The following VANGL1 variants were observed in gnomAD, a reference collection of about 807,000 sequenced individuals.
VANGL1 encodes VANGL planar cell polarity protein 1.
Under a neutral mutation model 48.4 loss-of-function variants are expected in VANGL1, and 18 were observed. The observed-to-expected ratio is 0.37, with a 90% confidence interval of 0.26 to 0.55. The LOEUF is 0.55. Among genes scored for constraint, VANGL1 ranks in the 20% least tolerant of loss-of-function variants. VANGL1 has a pLI of 0.81. For missense variants in VANGL1, 667 were observed against 675.8 expected (o/e 0.99, Z 0.14); for synonymous variants, 257 against 261.8 (o/e 0.98, Z 0.18).
Position 115,694,053 on chromosome 1 carries a change from T to C in VANGL1, c.*2674T>C, listed in dbSNP as rs181039153. The C allele has an allele frequency of 1.6e-4, 25 of 152,358 alleles. No homozygotes were observed. Among genetic ancestry groups the C allele is most frequent in the African/African-American group, 5.8e-4 (24 of 41,588 alleles). 9.4% of individuals were successfully genotyped at this position (152,358 alleles called of 1,614,324 possible). A position where few individuals can be genotyped will look rare whatever the true frequency, so the allele number is the denominator to read the frequency against. ...CCCTGGTGATGTTTTAACTGGTAGA[T>C]AATTTGTTCTTAAATATGTACTTTT... is the stretch of plus-strand genomic sequence containing the variant. On this transcript the variant is annotated 3_prime_UTR_variant, in exon 8 of 8. Coordinates refer to ENST00000355485, the MANE Select transcript of VANGL1 (RefSeq NM_138959.3).
chr1:115,683,197 G>A (rs948393395), intron 5 of VANGL1, among the ~76,000 whole-genome samples: 10 of 152,148 alleles, frequency 6.6e-5, no homozygotes, highest in African/African-American at 1.2e-4. Flanking sequence ...GCTCCCTCAC[G>A]AAGCCTGAAG....
At chr1:115,673,676 T>G (rs897454871) in intron 4 of VANGL1, among the ~76,000 whole-genome samples, 6 of 150,556 alleles carry the variant, frequency 4.0e-5, no homozygotes, top group Non-Finnish European at 7.4e-5. Context: ...CTCAGCTCTC[T>G]GCAACCTCTG....
chr1:115,661,720 C>A (rs553604562), intron 3 of VANGL1, among the ~76,000 whole-genome samples: 1 of 151,954 alleles, frequency 6.6e-6, no homozygotes, highest in Non-Finnish European at 1.5e-5. Flanking sequence ...CGGGTTCAAG[C>A]GATTCTCCTG....
chr1:115,652,478 T>C (rs913515141), intron 2 of VANGL1, among the ~76,000 whole-genome samples: 1 of 152,232 alleles, frequency 6.6e-6, no homozygotes, highest in African/African-American at 2.4e-5. Flanking sequence ...AGTCCTCTCC[T>C]ACAGGGCTGT....
rs1182365086 is a variant in VANGL1 at position 115,664,000 on chromosome 1, G to A, written c.544G>A (p.Val182Met). 4.3e-6 allele frequency: 7 copies of A among 1,614,186 alleles called. No homozygotes were observed. Among genetic ancestry groups the A allele is most frequent in the Non-Finnish European group, 5.9e-6 (7 of 1,180,042 alleles). ...CAAGCGGAGAGCTGACATGCCACGG[G>A]TGTTTGTGTTTCGTGCCCTTTTGTT... The part of the protein sequence containing the change: ...FRKRRADMPR[V>M]FVFRALLLVL... The change falls in exon 4 of 8, where the codon GTG becomes ATG. Residue 182 changes from valine (V) to methionine (M), a missense_variant. Physicochemically the swap from Val to Met is conservative, Grantham distance 21. Transcript: ENST00000355485.
At chr1:115,643,074 T>A (rs1380439822) in intron 1 of VANGL1, among the ~76,000 whole-genome samples, 4 of 152,168 alleles carry the variant, frequency 2.6e-5, no homozygotes, top group African/African-American at 9.7e-5. Context: ...CCTTAGGAAG[T>A]GTTAGAGCGC....
chr1:115,653,137 T>C (rs1252557219), intron 2 of VANGL1, among the ~76,000 whole-genome samples: 3 of 152,194 alleles, frequency 2.0e-5, no homozygotes, highest in South Asian at 2.1e-4. Flanking sequence ...GTATTTTCTT[T>C]TTAACTTTAA....
At position 115,692,287 on chromosome 1, in the gene VANGL1, T is replaced by C. The variant is rs1314642291; in HGVS notation, c.*908T>C. ...CACACTGCCCAGTTTTCCTCCCCAC[T>C]GTTCTACACCAACCAGGGGAGACTA... On this transcript the variant is annotated 3_prime_UTR_variant, in exon 8 of 8. Transcript: ENST00000355485. 1 of 152,378 alleles carries C rather than the reference T, an allele frequency of 6.6e-6. No individual in the cohort carries two copies. The highest frequency in any genetic ancestry group is 1.9e-4 in the East Asian group (1 of 5,170). 9.4% of individuals were successfully genotyped at this position (152,378 alleles called of 1,614,324 possible).
chr1:115,674,768 C>T, intron 4 of VANGL1, among the ~76,000 whole-genome samples: 1 of 152,138 alleles, frequency 6.6e-6, no homozygotes, highest in African/African-American at 2.4e-5. Flanking sequence ...TCCCTTCTCC[C>T]TGCTCAGGGA....
At chr1:115,679,925 C>A (rs1157110635) in intron 4 of VANGL1, among the ~76,000 whole-genome samples, 4 of 151,206 alleles carry the variant, frequency 2.6e-5, no homozygotes, top group African/African-American at 9.7e-5. Flanking sequence ...CTCAGAAAGC[C>A]CAGGCACTCC....
intron 1 of VANGL1, among the ~76,000 whole-genome samples, chr1:115,649,872 A>G (rs765730760): frequency 3.3e-5 from 5 of 152,202 alleles, no homozygotes; most frequent in Non-Finnish European, 5.9e-5. Flanking sequence ...CCCAGGTTGT[A>G]CTAAACAGTG....
Position 115,695,619 on chromosome 1 carries a change from A to G in VANGL1, c.*4240A>G, listed in dbSNP as rs1421022662. 1.3e-5 allele frequency: 2 copies of G among 152,314 alleles called. No individual in the cohort carries two copies. Among genetic ancestry groups the G allele is most frequent in the African/African-American group, 4.8e-5 (2 of 41,458 alleles). 9.4% of individuals were successfully genotyped at this position (152,314 alleles called of 1,614,324 possible). Reference sequence around the variant, plus strand: ...TGACAAAACATGTTTTGGTCAAAGAAAGGAAAGGCTACTAACACATTTATC... The same window carrying G: ...TGACAAAACATGTTTTGGTCAAAGAGAGGAAAGGCTACTAACACATTTATC... On this transcript the variant is annotated 3_prime_UTR_variant, in exon 8 of 8. Transcript: ENST00000355485.
rs937154997 is a variant in VANGL1, at chr1:115,693,990, G to A, written c.*2611G>A. 1 of 152,196 alleles carries A rather than the reference G, an allele frequency of 6.6e-6. No individual in the cohort carries two copies. The highest frequency in any genetic ancestry group is 1.5e-5 in the Non-Finnish European group (1 of 68,040). 9.4% of individuals were successfully genotyped at this position (152,196 alleles called of 1,614,324 possible). Reference sequence around the variant, plus strand: ...TAAAATTAGAGCATTGAGTGTTAAAGAACTTAATGAGGAGTCTATATCTGA... The same window carrying A: ...TAAAATTAGAGCATTGAGTGTTAAAAAACTTAATGAGGAGTCTATATCTGA... On this transcript the variant is annotated 3_prime_UTR_variant, in exon 8 of 8. Transcript: ENST00000355485.
chr1:115,678,531 C>T (rs1167249852), intron 4 of VANGL1, among the ~76,000 whole-genome samples: 8 of 152,174 alleles, frequency 5.3e-5, no homozygotes, highest in South Asian at 2.1e-4. Flanking sequence ...AGATGGCCTC[C>T]ACCTCCTGAT....
chr1:115,642,267 C>T (rs1029587538), intron 1 of VANGL1, among the ~76,000 whole-genome samples, 181 bp downstream of exon 1: 1 of 151,890 alleles, frequency 6.6e-6, no homozygotes, highest in African/African-American at 2.4e-5. Context: ...TCCCCTCCTC[C>T]GGAGCGCTCC....
intron 4 of VANGL1, among the ~76,000 whole-genome samples, chr1:115,675,412 G>A (rs1653125883): frequency 6.6e-6 from 1 of 152,124 alleles, no homozygotes; most frequent in Non-Finnish European, 1.5e-5. Flanking sequence ...CGAGGCACGA[G>A]AATTGCTTGA....
chr1:115,645,392 G>C (rs953353198), intron 1 of VANGL1, among the ~76,000 whole-genome samples: 4 of 152,186 alleles, frequency 2.6e-5, no homozygotes, highest in Non-Finnish European at 2.9e-5. Context: ...GTTGACAGCT[G>C]TGAGTGCCTA....
chr1:115,695,149 C>CA lies in VANGL1; in HGVS notation c.*3773dup, dbSNP rs1254299305. 2.0e-5 allele frequency: 3 copies of CA among 152,200 alleles called. No individual in the cohort carries two copies. The highest frequency in any genetic ancestry group is 4.4e-5 in the Non-Finnish European group (3 of 68,012). The allele number at this position is 152,200 out of a possible 1,614,324, so 9.4% of individuals were successfully genotyped here. On this transcript the variant is annotated 3_prime_UTR_variant, in exon 8 of 8. Transcript: ENST00000355485. Reference sequence around the variant, plus strand: ...CTGAAAACAGCAAGAAACAAACAAACAAAGGTCAAGCTCTAAGAAAATTAC... The same window carrying CA: ...CTGAAAACAGCAAGAAACAAACAAACAAAAGGTCAAGCTCTAAGAAAATTAC...
intron 4 of VANGL1, among the ~76,000 whole-genome samples, chr1:115,666,719 C>T (rs1192713593): frequency 6.6e-6 from 1 of 152,182 alleles, no homozygotes; most frequent in African/African-American, 2.4e-5. Flanking sequence ...TTCCTCCTCT[C>T]CCTGCCTTTA....
Sources: gnomAD v4.1 joint callset for allele counts (sites outside exome capture counted in the v4.1 genomes callset) on GRCh38, gnomAD v4.1.1 for gene constraint, MANE v1.5 for transcripts, NCBI Gene and HGNC (gene_info 2026-07-23, HGNC 2026-07-21) for gene names.